Variants in AP3S1 observed in about 807,000 individuals in gnomAD.
AP3S1 encodes the protein AP-3 complex subunit sigma-1.
In AP3S1, 12 loss-of-function variants were observed where a neutral mutation model predicts 21.3. The observed-to-expected ratio is 0.56, with a 90% confidence interval of 0.36 to 0.91. AP3S1 has a LOEUF of 0.91. AP3S1 is among the 40% of genes least tolerant of loss of function. AP3S1 has a pLI of 0.01. For synonymous variants in AP3S1, 48 were observed against 78.4 expected (o/e 0.61, Z 2.05); for missense variants, 116 against 225.0 (o/e 0.52, Z 3.10).
At chr5:115,884,894 A>G (rs1186718319) in intron 3 of AP3S1, among the ~76,000 whole-genome samples, 1 of 152,164 alleles carries the variant, frequency 6.6e-6, no homozygotes, top group Admixed American at 6.5e-5. Context: ...CTGATTCTTT[A>G]CTAACACACT....
chr5:115,912,214 A>C (rs1580760839), intron 5 of AP3S1: 1 of 151,996 alleles, frequency 6.6e-6, no homozygotes, highest in Admixed American at 6.6e-5. Flanking sequence ...AATTATGAAA[A>C]GGGACCTTAA....
intron 1 of AP3S1, among the ~76,000 whole-genome samples, chr5:115,866,223 A>G (rs535165598): frequency 1.3e-5 from 2 of 152,356 alleles, no homozygotes; most frequent in South Asian, 2.1e-4. Context: ...ACCTCAGTCT[A>G]TATTTAGTAA....
At chr5:115,904,519 A>AAGG (rs1219677431) in intron 5 of AP3S1, among the ~76,000 whole-genome samples, 2 of 152,286 alleles carry the variant, frequency 1.3e-5, no homozygotes, top group East Asian at 3.9e-4. Flanking sequence ...TGGTTTCCCA[A>AAGG]AGGAGAAGTT....
intron 3 of AP3S1, among the ~76,000 whole-genome samples, chr5:115,872,890 A>T (rs1748392147): frequency 6.6e-6 from 1 of 152,182 alleles, no homozygotes. Flanking sequence ...ATATAGAACC[A>T]TGCTTTCTAT....
intron 5 of AP3S1, 121 bp from the exon 6 acceptor site, chr5:115,913,241 A>G (rs1394703613): frequency 9.1e-6 from 9 of 988,118 alleles, no homozygotes; most frequent in Middle Eastern, 2.2e-4. Flanking sequence ...TCAAACTACC[A>G]TCTGGTCCCT....
intron 5 of AP3S1, among the ~76,000 whole-genome samples, chr5:115,906,073 G>T (rs910078857): frequency 1.3e-5 from 2 of 152,176 alleles, no homozygotes; most frequent in Non-Finnish European, 2.9e-5. Context: ...CGCAAGAATC[G>T]CCCGATTCCG....
intron 1 of AP3S1, among the ~76,000 whole-genome samples, chr5:115,850,769 C>A (rs1432692477): frequency 6.6e-6 from 1 of 152,076 alleles, no homozygotes; most frequent in Non-Finnish European, 1.5e-5. Flanking sequence ...GAGGCTGAAG[C>A]ACAAAATAGG....
chr5:115,860,394 G>A (rs115372073), intron 1 of AP3S1, among the ~76,000 whole-genome samples: 8 of 152,268 alleles, frequency 5.3e-5, no homozygotes, highest in East Asian at 3.9e-4. Context: ...TTGGTGGGCC[G>A]TTTTTCTGGC....
intron 5 of AP3S1, among the ~76,000 whole-genome samples, chr5:115,906,162 A>G (rs933509219): frequency 3.9e-5 from 6 of 152,194 alleles, no homozygotes; most frequent in Admixed American, 1.3e-4. Flanking sequence ...CGTCTCAAAA[A>G]CAAACACACA....
intron 1 of AP3S1, among the ~76,000 whole-genome samples, chr5:115,862,534 A>G (rs1040423853): frequency 1.3e-5 from 2 of 152,202 alleles, no homozygotes; most frequent in South Asian, 2.1e-4. Context: ...AAACAAATGT[A>G]AAGATGCAGT....
intron 3 of AP3S1, among the ~76,000 whole-genome samples, chr5:115,882,538 C>G (rs906240700): frequency 1.8e-4 from 27 of 152,214 alleles, no homozygotes; most frequent in Middle Eastern, 3.2e-3. Flanking sequence ...GGCTGCAGAA[C>G]AGCAAAGATT....
chr5:115,862,858 T>C (rs1415417613), intron 1 of AP3S1, among the ~76,000 whole-genome samples: 1 of 152,208 alleles, frequency 6.6e-6, no homozygotes, highest in African/African-American at 2.4e-5. Context: ...CAGAGAAATA[T>C]CATGACGCTA....
intron 1 of AP3S1, among the ~76,000 whole-genome samples, chr5:115,846,397 A>G (rs749368997): frequency 3.3e-5 from 5 of 152,210 alleles, no homozygotes; most frequent in East Asian, 1.9e-4. Context: ...GTGTGTATGT[A>G]TGCATGTGTG....
intron 5 of AP3S1, among the ~76,000 whole-genome samples, chr5:115,906,082 C>T (rs1277353356): frequency 6.6e-6 from 1 of 152,146 alleles, no homozygotes; most frequent in Non-Finnish European, 1.5e-5. Flanking sequence ...CGCCCGATTC[C>T]GGGAGGCGGA....
At chr5:115,912,071 T>C (rs1040122097) in intron 5 of AP3S1, 1 of 152,042 alleles carries the variant, frequency 6.6e-6, no homozygotes, top group Non-Finnish European at 1.5e-5. Context: ...CTTAACAATG[T>C]TTGTATCCTT....
At chr5:115,877,445 T>G (rs1748829096) in intron 3 of AP3S1, among the ~76,000 whole-genome samples, 1 of 152,166 alleles carries the variant, frequency 6.6e-6, no homozygotes, top group South Asian at 2.1e-4. Context: ...AATGAGAACA[T>G]GCAGTGTTTG....
At chr5:115,890,766 C>G (rs1454849488) in intron 3 of AP3S1, among the ~76,000 whole-genome samples, 1 of 151,342 alleles carries the variant, frequency 6.6e-6, no homozygotes, top group African/African-American at 2.4e-5. Context: ...TTTCTTCTTT[C>G]TCAATGGAAA....
At chr5:115,893,762 G>A (rs1437765564) in intron 3 of AP3S1, among the ~76,000 whole-genome samples, 1 of 152,092 alleles carries the variant, frequency 6.6e-6, no homozygotes, top group East Asian at 1.9e-4. Flanking sequence ...CAATAAACTA[G>A]GGATAGTCCT....
At chr5:115,907,054 T>C (rs751234420) in intron 5 of AP3S1, 8 of 915,634 alleles carry the variant, frequency 8.7e-6, no homozygotes, top group Non-Finnish European at 1.0e-5. Context: ...ATTTTACTAG[T>C]ATATCATTGA....
Sources: gnomAD v4.1 joint callset for allele counts (sites outside exome capture counted in the v4.1 genomes callset) on GRCh38, gnomAD v4.1.1 for gene constraint, MANE v1.5 for transcripts, NCBI Gene and HGNC (gene_info 2026-07-23, HGNC 2026-07-21) for gene names.